The following COL24A1 variants were observed in gnomAD, a reference collection of about 807,000 sequenced individuals.
COL24A1 encodes collagen alpha-1(XXIV) chain.
COL24A1 carries 224 observed loss-of-function variants against 253.9 expected under a neutral mutation model. That is an observed-to-expected ratio of 0.88 (90% CI 0.79 to 0.99). The LOEUF (loss-of-function observed/expected upper bound fraction) is 0.99. Among genes scored for constraint, COL24A1 ranks in the 50% least tolerant of loss-of-function variants. The pLI is 0.00. For missense variants in COL24A1, 2,131 were observed against 2,068.5 expected (o/e 1.03, Z -0.59); for synonymous variants, 685 against 673.7 (o/e 1.02, Z -0.26).
chr1:85,972,149 TAA>T (rs1692230431), intron 20 of COL24A1, among the ~76,000 whole-genome samples: 1 of 152,224 alleles, frequency 6.6e-6, no homozygotes, highest in Admixed American at 6.5e-5. Flanking sequence ...AGCAAAGTTC[TAA>T]GTCTCTTTTT....
chr1:86,022,631 C>G (rs199532528), intron 16 of COL24A1, 40 bp from the exon 17 acceptor site: 1 of 1,566,138 alleles, frequency 6.4e-7, no homozygotes, highest in East Asian at 2.2e-5. Flanking sequence ...TTATGTATCA[C>G]AAACATGGCA....
intron 24 of COL24A1, among the ~76,000 whole-genome samples, chr1:85,958,449 A>G (rs1027972633): frequency 1.3e-4 from 20 of 152,128 alleles, no homozygotes; most frequent in African/African-American, 4.8e-4. Flanking sequence ...AATAGACTGT[A>G]AATTCCATGA....
chr1:86,019,817 C>T (rs930756095), intron 18 of COL24A1, among the ~76,000 whole-genome samples: 15 of 152,156 alleles, frequency 9.9e-5, no homozygotes, highest in Non-Finnish European at 1.8e-4. Flanking sequence ...GCCTCACTCT[C>T]ACTGTCTCTT....
At chr1:86,015,970 C>T (rs1384876775) in intron 19 of COL24A1, among the ~76,000 whole-genome samples, 4 of 150,720 alleles carry the variant, frequency 2.7e-5, no homozygotes, top group Non-Finnish European at 5.9e-5. Context: ...AAGTGATCAT[C>T]CTACCTCAGC....
chr1:85,998,937 T>C (rs1695135191), intron 19 of COL24A1, among the ~76,000 whole-genome samples: 1 of 152,220 alleles, frequency 6.6e-6, no homozygotes, highest in Non-Finnish European at 1.5e-5. Flanking sequence ...AACTATCTTT[T>C]GTCATTGTTC....
intron 5 of COL24A1, 118 bp downstream of exon 5, chr1:86,112,449 G>T: frequency 1.3e-6 from 1 of 790,142 alleles, no homozygotes; most frequent in Admixed American, 2.4e-5. Flanking sequence ...ATGCTCTGGA[G>T]GTGACAGAGA....
intron 10 of COL24A1, among the ~76,000 whole-genome samples, chr1:86,054,529 C>A (rs928514767): frequency 1.3e-5 from 2 of 151,758 alleles, no homozygotes; most frequent in African/African-American, 4.8e-5. Context: ...TAAGCGGCCC[C>A]AAAACATGAA....
At chr1:86,078,606 T>G (rs1702420589) in intron 7 of COL24A1, among the ~76,000 whole-genome samples, 1 of 152,204 alleles carries the variant, frequency 6.6e-6, no homozygotes, top group Non-Finnish European at 1.5e-5. Flanking sequence ...GTAAACAAAT[T>G]CAGTTAAGTT....
At chr1:86,045,193 T>C (rs757277042) in intron 12 of COL24A1, among the ~76,000 whole-genome samples, 64 of 152,142 alleles carry the variant, frequency 4.2e-4, no homozygotes, top group Non-Finnish European at 4.6e-4. Flanking sequence ...TTTTGCCATA[T>C]TGGCCAGGCT....
chr1:86,124,886 T>C lies in COL24A1; in HGVS notation c.1450A>G (p.Met484Val), dbSNP rs1254346005. The C allele has an allele frequency of 1.9e-6, 3 of 1,599,868 alleles. No homozygotes were observed. The highest frequency in any genetic ancestry group is 2.6e-6 in the Non-Finnish European group (3 of 1,175,344). Reference protein sequence around the residue: ...YYEDLNTMLEMEYLRGPKGDT... With the variant: ...YYEDLNTMLEVEYLRGPKGDT... ...CCTTTTGGCCCTCTCAGATACTCCA[T>C]TTCAAGCATTGTATTTAGATCCTCA... Residue 484 changes from methionine (M) to valine (V), a missense_variant, in exon 3 of 60, where the codon ATG becomes GTG. Met to Val is a conservative substitution (Grantham distance 21, BLOSUM62 1). Transcript: ENST00000370571.
intron 1 of COL24A1, among the ~76,000 whole-genome samples, chr1:86,151,765 C>G (rs1377407984): frequency 6.6e-6 from 1 of 152,154 alleles, no homozygotes; most frequent in African/African-American, 2.4e-5. Flanking sequence ...CCCTGAGACT[C>G]TAAGGTATTA....
chr1:85,952,176 T>A (rs1689999101), intron 24 of COL24A1, among the ~76,000 whole-genome samples: 1 of 152,136 alleles, frequency 6.6e-6, no homozygotes, highest in South Asian at 2.1e-4. Flanking sequence ...TCACTAAAAC[T>A]TAAAATGTAG....
At position 86,118,081 on chromosome 1, in the gene COL24A1, G is replaced by A. The variant is rs555529166; in HGVS notation, c.1492-2703C>T. ...GTCTAATTAACTTTTTTTTTTTTTC[G>A]AGATGGAGTCTCACTCTGTCACCTA... On this transcript the variant is annotated intron_variant, in intron 3 of 59. Transcript: ENST00000370571. Among the ~76,000 whole-genome samples the A allele has an allele frequency of 1.7e-4, 19 of 114,614 alleles. No homozygotes were observed. The East Asian group carries it at 3.5e-3, about 21-fold the overall frequency. The allele number at this position is 114,614 out of a possible 152,430, so 75.2% of individuals were successfully genotyped here. A position where few individuals can be genotyped will look rare whatever the true frequency, so the allele number is the denominator to read the frequency against.
intron 47 of COL24A1, among the ~76,000 whole-genome samples, chr1:85,792,360 A>G (rs1328188284): frequency 6.6e-6 from 1 of 151,768 alleles, no homozygotes; most frequent in Non-Finnish European, 1.5e-5. Context: ...TAAATAATAT[A>G]TGGTTCTTGT....
intron 47 of COL24A1, among the ~76,000 whole-genome samples, chr1:85,798,527 A>G (rs971876732): frequency 2.0e-5 from 3 of 152,166 alleles, no homozygotes; most frequent in Admixed American, 1.3e-4. Flanking sequence ...TGAAGAAAAA[A>G]GTGTATCTTC....
chr1:85,743,890 A>T (rs962996122), intron 57 of COL24A1, among the ~76,000 whole-genome samples: 21 of 152,098 alleles, frequency 1.4e-4, no homozygotes, highest in Non-Finnish European at 2.9e-5. Context: ...ACATGTGTGT[A>T]TGTGCGTGTT....
intron 2 of COL24A1, among the ~76,000 whole-genome samples, chr1:86,130,634 G>A (rs964794731): frequency 1.3e-5 from 2 of 151,580 alleles, no homozygotes; most frequent in African/African-American, 4.8e-5. Context: ...TAGTCTATAG[G>A]AGTATCTTTC....
intron 7 of COL24A1, among the ~76,000 whole-genome samples, chr1:86,073,954 A>C (rs111613152): frequency 0.058 from 8,766 of 150,910 alleles, 561 homozygotes; most frequent in African/African-American, 0.16. Context: ...CTGCCTTACA[A>C]GGAGGGAGCA....
chr1:85,985,219 T>G (rs904719072), intron 20 of COL24A1, among the ~76,000 whole-genome samples: 2 of 151,644 alleles, frequency 1.3e-5, no homozygotes, highest in African/African-American at 4.8e-5. Context: ...ATGTTGCATG[T>G]GATGTGTAGG....
Sources: gnomAD v4.1 joint callset for allele counts (sites outside exome capture counted in the v4.1 genomes callset) on GRCh38, gnomAD v4.1.1 for gene constraint, MANE v1.5 for transcripts, NCBI Gene and HGNC (gene_info 2026-07-23, HGNC 2026-07-21) for gene names.